Variants in RETREG1 observed in about 807,000 individuals in gnomAD.
The protein encoded by RETREG1 is family with sequence similarity 134 member B.
A neutral mutation model predicts 54.8 loss-of-function variants in RETREG1; 44 were observed. The ratio of observed to expected loss-of-function variants is 0.80; its 90% CI spans 0.63 to 1.03. RETREG1 has a LOEUF of 1.03. Ranked by LOEUF, RETREG1 falls within the 50% of genes least tolerant of loss-of-function variation. RETREG1 has a pLI of 0.00. For missense variants in RETREG1, 554 were observed against 605.1 expected, an observed-to-expected ratio of 0.92 and a Z score of 0.89; for synonymous variants, 217 against 238.5, an observed-to-expected ratio of 0.91 and a Z score of 0.83.
chr5:16,598,161 G>A (rs1209577886), intron 1 of RETREG1, among the ~76,000 whole-genome samples: 1 of 152,044 alleles, frequency 6.6e-6, no homozygotes, highest in Non-Finnish European at 1.5e-5. Flanking sequence ...CTTGGGCTTG[G>A]AACAAATCCT....
intron 3 of RETREG1, among the ~76,000 whole-genome samples, chr5:16,512,493 T>C (rs1467539121): frequency 1.3e-5 from 2 of 152,232 alleles, no homozygotes; most frequent in Non-Finnish European, 1.5e-5. Flanking sequence ...TTTCATCATA[T>C]AGTATGCCCT....
chr5:16,513,727 G>A (rs1740256975), intron 3 of RETREG1, among the ~76,000 whole-genome samples: 1 of 152,170 alleles, frequency 6.6e-6, no homozygotes, highest in Non-Finnish European at 1.5e-5. Flanking sequence ...TGCCACTTGG[G>A]CCATTTTCAG....
intron 2 of RETREG1, among the ~76,000 whole-genome samples, chr5:16,566,352 T>A (rs927969999): frequency 1.3e-5 from 2 of 148,466 alleles, no homozygotes; most frequent in Admixed American, 1.4e-4. Flanking sequence ...GCAAATGAAA[T>A]CAATATAAAA....
rs1738460152 is a variant in RETREG1, at chr5:16,474,944, C to T, written c.1291G>A (p.Gly431Ser). 6.2e-7 allele frequency: 1 copy of T among 1,613,818 alleles called. No individual in the cohort carries two copies. The highest frequency in any genetic ancestry group is 8.5e-7 in the Non-Finnish European group (1 of 1,179,924). ...VTAAIKDQLE[G>S]VQQALSQAAP... ...GCCTGAGAAAGTGCTTGCTGCACAC[C>T]CTCTAACTGGTCTTTGATAGCTGCA... The change falls in exon 9 of 9, where the codon GGT (glycine) becomes AGT (serine). Residue 431 changes from glycine to serine, a missense_variant. Coordinates refer to ENST00000306320, the MANE Select transcript of RETREG1 (RefSeq NM_001034850.3).
chr5:16,588,665 A>C (rs1212562576), intron 1 of RETREG1, among the ~76,000 whole-genome samples: 1 of 152,246 alleles, frequency 6.6e-6, no homozygotes. Context: ...CTCAGTAAAC[A>C]AAGTGAGATC....
At chr5:16,555,431 C>T (rs1222933081) in intron 3 of RETREG1, among the ~76,000 whole-genome samples, 1 of 152,186 alleles carries the variant, frequency 6.6e-6, no homozygotes, top group African/African-American at 2.4e-5. Context: ...GGGATACAAG[C>T]GTGAGCCACC....
chr5:16,539,326 A>C (rs897511868), intron 3 of RETREG1, among the ~76,000 whole-genome samples: 3 of 152,130 alleles, frequency 2.0e-5, no homozygotes, highest in Non-Finnish European at 4.4e-5. Flanking sequence ...CTTAGAATTC[A>C]GTGACTAATC....
intron 1 of RETREG1, among the ~76,000 whole-genome samples, chr5:16,589,883 C>A (rs1047813092): frequency 6.6e-6 from 1 of 152,184 alleles, no homozygotes; most frequent in African/African-American, 2.4e-5. Flanking sequence ...CTTTGATGAG[C>A]AGGGCCACCT....
intron 3 of RETREG1, among the ~76,000 whole-genome samples, chr5:16,541,036 G>T (rs1262704622): frequency 1.2e-4 from 19 of 152,132 alleles, no homozygotes; most frequent in Non-Finnish European, 2.6e-4. Flanking sequence ...TCGCTGCACT[G>T]CCCCAGACCT....
intron 3 of RETREG1, among the ~76,000 whole-genome samples, chr5:16,516,448 G>C (rs1471597774): frequency 1.3e-5 from 2 of 152,208 alleles, no homozygotes; most frequent in Non-Finnish European, 2.9e-5. Context: ...CGAATCTCCA[G>C]AAGAACTTGC....
chr5:16,546,773 A>AT (rs563382017), intron 3 of RETREG1, among the ~76,000 whole-genome samples: 25 of 152,298 alleles, frequency 1.6e-4, no homozygotes, highest in Admixed American at 1.1e-3. Flanking sequence ...CAAAACAGAA[A>AT]TCTATCTAAA....
At chr5:16,573,931 C>T (rs534988588) in intron 1 of RETREG1, among the ~76,000 whole-genome samples, 41 of 152,022 alleles carry the variant, frequency 2.7e-4, no homozygotes, top group Non-Finnish European at 5.0e-4. Flanking sequence ...ATTTTTAGTA[C>T]AGACAGGGTT....
At chr5:16,538,736 G>C (rs961743601) in intron 3 of RETREG1, among the ~76,000 whole-genome samples, 13 of 149,714 alleles carry the variant, frequency 8.7e-5, no homozygotes, top group Admixed American at 5.3e-4. Flanking sequence ...ACGGAGTCTC[G>C]CTCTGTCGCC....
At chr5:16,613,507 A>G (rs993108222) in intron 1 of RETREG1, among the ~76,000 whole-genome samples, 1 of 152,188 alleles carries the variant, frequency 6.6e-6, no homozygotes, top group African/African-American at 2.4e-5. Context: ...AGTTATACCC[A>G]TTGGTTACGG....
chr5:16,539,666 C>T (rs1741185310), intron 3 of RETREG1, among the ~76,000 whole-genome samples: 1 of 152,150 alleles, frequency 6.6e-6, no homozygotes. Context: ...GCCAACTGTC[C>T]CGGTACCGGG....
At chr5:16,526,967 G>C (rs1320152766) in intron 3 of RETREG1, among the ~76,000 whole-genome samples, 1 of 152,192 alleles carries the variant, frequency 6.6e-6, no homozygotes, top group Admixed American at 6.5e-5. Flanking sequence ...GCCAATGACT[G>C]ATCAGCACAG....
At chr5:16,504,877 C>T (rs1195160230) in intron 3 of RETREG1, among the ~76,000 whole-genome samples, 1 of 152,188 alleles carries the variant, frequency 6.6e-6, no homozygotes, top group African/African-American at 2.4e-5. Flanking sequence ...GGCTTTTCTC[C>T]TCCTCACCCG....
chr5:16,554,460 T>A (rs552943161), intron 3 of RETREG1, among the ~76,000 whole-genome samples: 1 of 152,146 alleles, frequency 6.6e-6, no homozygotes, highest in Non-Finnish European at 1.5e-5. Flanking sequence ...CCTCCCCACA[T>A]TCACCCTGCC....
intron 3 of RETREG1, among the ~76,000 whole-genome samples, chr5:16,562,066 G>T (rs1005428764): frequency 6.6e-6 from 1 of 152,182 alleles, no homozygotes; most frequent in Non-Finnish European, 1.5e-5. Flanking sequence ...TGTAATCCCA[G>T]CACTTTGGGA....
Sources: gnomAD v4.1 joint callset for allele counts (sites outside exome capture counted in the v4.1 genomes callset) on GRCh38, gnomAD v4.1.1 for gene constraint, MANE v1.5 for transcripts, NCBI Gene and HGNC (gene_info 2026-07-23, HGNC 2026-07-21) for gene names.